Variants in METRN observed in about 807,000 individuals in gnomAD.
METRN encodes the protein meteorin, glial cell differentiation regulator.
A neutral mutation model predicts 17.4 loss-of-function variants in METRN; 17 were observed. The observed-to-expected ratio is 0.98, with a 90% CI of 0.67 to 1.46. The LOEUF is 1.46. METRN is among the 40% of genes most tolerant of loss of function. The probability of loss-of-function intolerance (pLI) is 0.00; values close to 1 mark genes in which losing one functional copy is unlikely to be tolerated. For synonymous variants in METRN, 230 were observed against 210.8 expected (o/e 1.09, Z -0.79); for missense variants, 489 against 456.2 (o/e 1.07, Z -0.65).
Position 717,076 on chromosome 16 carries a change from C to G in METRN, c.571C>G (p.His191Asp), listed in dbSNP as rs143781085. 1 of 1,611,122 alleles carries G rather than the reference C, an allele frequency of 6.2e-7. No individual in the cohort carries two copies. The highest frequency in any genetic ancestry group is 1.3e-5 in the African/African-American group (1 of 75,016). Residue 191 changes from histidine to aspartate, a missense_variant, in exon 4 of 4, where the codon CAC (histidine) becomes GAC (aspartate). Coordinates refer to ENST00000568223, the MANE Select transcript of METRN (RefSeq NM_024042.4). ...AGCCACATGCCTCCCCACAGTAATTCACGGGATCATCCATGGGGTCACCCA... is the reference window on the plus strand; with the variant it reads ...AGCCACATGCCTCCCCACAGTAATTGACGGGATCATCCATGGGGTCACCCA... The part of the protein sequence containing the change: ...LAACTSDFVI[H>D]GIIHGVTHDV...
rs2040177887 is a variant in METRN at position 718,284 on chromosome 16, TC to T, written c.*899del. 2.0e-5 allele frequency: 3 copies of T among 152,242 alleles called. No individual in the cohort carries two copies. The highest frequency in any genetic ancestry group is 2.0e-4 in the Admixed American group (3 of 15,296). The allele number at this position is 152,242 out of a possible 1,614,324, so 9.4% of individuals were successfully genotyped here. A position where few individuals can be genotyped will look rare whatever the true frequency, so the allele number is the denominator to read the frequency against. ...GCTAAAAGCCCCTGGGTGGGGGTGT[TC>T]CAGGACACCTGGCCCTGTGTGAGCT... On this transcript the variant is annotated 3_prime_UTR_variant, in exon 4 of 4. Transcript: ENST00000568223.
Position 717,448 on chromosome 16 carries a change from A to C in METRN, c.*61A>C. 2 of 1,318,596 alleles carry C rather than the reference A, an allele frequency of 1.5e-6. No homozygotes were observed. Among genetic ancestry groups the C allele is most frequent in the Non-Finnish European group, 2.0e-6 (2 of 1,014,488 alleles). The allele number at this position is 1,318,596 out of a possible 1,614,324, so 81.7% of individuals were successfully genotyped here. A position where few individuals can be genotyped will look rare whatever the true frequency, so the allele number is the denominator to read the frequency against. On this transcript the variant is annotated 3_prime_UTR_variant, in exon 4 of 4. Coordinates refer to ENST00000568223, the MANE Select transcript of METRN (RefSeq NM_024042.4). Reference sequence around the variant, plus strand: ...GGGTGGGCCCACTGCTTTGGAGGTGATGGGACTATCAATAAGAACTCTGTT... The same window carrying C: ...GGGTGGGCCCACTGCTTTGGAGGTGCTGGGACTATCAATAAGAACTCTGTT...
chr16:715,239 C>T lies in METRN; in HGVS notation c.-51C>T, dbSNP rs1025558857. On this transcript the variant is annotated 5_prime_UTR_variant, in exon 1 of 4. Coordinates refer to ENST00000568223, the MANE Select transcript of METRN (RefSeq NM_024042.4). ...GCCGCCGCCCGGACCCGCGCCCCGC[C>T]GGGGCAGCGGTGGTGAGAGCCCCGA... The T allele has an allele frequency of 1.6e-5, 16 of 1,019,360 alleles. No individual in the cohort carries two copies. The highest frequency in any genetic ancestry group is 1.0e-4 in the Admixed American group (2 of 19,302). The allele number at this position is 1,019,360 out of a possible 1,614,324, so 63.1% of individuals were successfully genotyped here.
intron 1 of METRN, 47 bp from the exon 2 acceptor site, chr16:715,537 G>T: frequency 4.7e-6 from 6 of 1,289,448 alleles, no homozygotes; most frequent in Non-Finnish European, 5.9e-6. Flanking sequence ...GCTGCGCCGG[G>T]CGGGGACCCG....
intron 1 of METRN, 25 bp from the exon 2 acceptor site, chr16:715,558 AG>A: frequency 7.7e-7 from 1 of 1,297,318 alleles, no homozygotes; most frequent in Non-Finnish European, 9.8e-7. Context: ...CCCCCGTCTC[AG>A]CGCCCCGTCC....
rs746350868 is a variant in METRN at position 717,123 on chromosome 16, T to A, written c.618T>A (p.Ser206=). The A allele has an allele frequency of 1.9e-6, 3 of 1,601,936 alleles. No individual in the cohort carries two copies. The highest frequency in any genetic ancestry group is 2.6e-6 in the Non-Finnish European group (3 of 1,173,318). The stretch of plus-strand genomic sequence containing the variant: ...CCCATGACGTGGAGCTGCAGGAGTC[T>A]GTCATCACTGTGGTGGCCGCCCGTG... ...GVTHDVELQE[S]VITVVAARVL... The change falls in exon 4 of 4, where the codon TCT becomes TCA. Residue 206 remains serine, a synonymous_variant. Coordinates refer to ENST00000568223, the MANE Select transcript of METRN (RefSeq NM_024042.4).
At chr16:716,328 G>A (rs1327393076) in intron 2 of METRN, 8 of 1,398,512 alleles carry the variant, frequency 5.7e-6, no homozygotes, top group Non-Finnish European at 7.4e-6. Context: ...CTGGCCCAGC[G>A]GTGACCTCTC....
At chr16:717,022 G>A in intron 3 of METRN, 30 bp downstream of exon 3, 1 of 1,611,386 alleles carries the variant, frequency 6.2e-7, no homozygotes, top group Non-Finnish European at 8.5e-7. Flanking sequence ...GGGGAGCCTG[G>A]AGCCTGCCTT....
At position 717,889 on chromosome 16, in the gene METRN, C is replaced by T. The variant is rs1470719564; in HGVS notation, c.*502C>T. ...TGGGGGCAGGCGGGCGCACAGCGCT[C>T]CGGCTCTGAGCCAGGCCTGTGAGGG... On this transcript the variant is annotated 3_prime_UTR_variant, in exon 4 of 4. Coordinates refer to ENST00000568223, the MANE Select transcript of METRN (RefSeq NM_024042.4). The T allele has an allele frequency of 6.5e-6, 1 of 153,538 alleles. No individual in the cohort carries two copies. Among genetic ancestry groups the T allele is most frequent in the Non-Finnish European group, 1.4e-5 (1 of 69,024 alleles). The allele number at this position is 153,538 out of a possible 1,614,324, so 9.5% of individuals were successfully genotyped here.
Position 717,635 on chromosome 16 carries a change from T to G in METRN, c.*248T>G. ...TTTGGCAACTGAGAGGGAGAGCAGATGTCAGGAGGAGCTACACCCACATTC... is the reference window on the plus strand; with the variant it reads ...TTTGGCAACTGAGAGGGAGAGCAGAGGTCAGGAGGAGCTACACCCACATTC... On this transcript the variant is annotated 3_prime_UTR_variant, in exon 4 of 4. Coordinates refer to ENST00000568223, the MANE Select transcript of METRN (RefSeq NM_024042.4). The G allele has an allele frequency of 2.5e-6, 1 of 404,050 alleles. No homozygotes were observed. The highest frequency in any genetic ancestry group is 3.8e-5 in the East Asian group (1 of 26,494). 25.0% of individuals were successfully genotyped at this position (404,050 alleles called of 1,614,324 possible).
chr16:715,341 GC>G lies in METRN; in HGVS notation c.56del (p.Pro19ArgfsTer49), dbSNP rs1259016291. The G allele has an allele frequency of 3.0e-6, 4 of 1,341,626 alleles. No individual in the cohort carries two copies. Among genetic ancestry groups the G allele is most frequent in the South Asian group, 1.8e-5 (1 of 56,406 alleles). The allele number at this position is 1,341,626 out of a possible 1,614,324, so 83.1% of individuals were successfully genotyped here. A position where few individuals can be genotyped will look rare whatever the true frequency, so the allele number is the denominator to read the frequency against. On this transcript the variant is annotated frameshift_variant, in exon 1 of 4. Coordinates refer to ENST00000568223, the MANE Select transcript of METRN (RefSeq NM_024042.4). LOFTEE classifies it high-confidence loss of function. ...LLCALCCGLL[A>X]PAARAGYSEE... The stretch of plus-strand genomic sequence containing the variant: ...CTGCGCGCTGTGCTGCGGCCTCCTG[GC>G]CCCGGCTGCCCGCGCCGGCTACTCC...
In METRN at chr16:717,303, T is replaced by C. The variant is rs1406194273; in HGVS notation, c.798T>C (p.Cys266=). Residue 266 remains cysteine (C), a synonymous_variant, in exon 4 of 4, where the codon TGT becomes TGC. Transcript: ENST00000568223. The part of the protein sequence containing the change: ...WSRFGEARLG[C]APRFQEFRRA... ...GCTTTGGGGAGGCCCGGCTGGGCTG[T>C]GCCCCACGATTCCAGGAGTTCCGCC... 6 of 1,523,578 alleles carry C rather than the reference T, an allele frequency of 3.9e-6. No homozygotes were observed. The Admixed American group carries it at 1.2e-4, about 31-fold the overall frequency. The allele number at this position is 1,523,578 out of a possible 1,614,324, so 94.4% of individuals were successfully genotyped here.
In METRN at chr16:716,001, T is replaced by C. The variant is rs1076939; in HGVS notation, c.505+17T>C. 1 of 1,467,494 alleles carries C rather than the reference T, an allele frequency of 6.8e-7. No homozygotes were observed. The highest frequency in any genetic ancestry group is 9.0e-7 in the Non-Finnish European group (1 of 1,116,618). 90.9% of individuals were successfully genotyped at this position (1,467,494 alleles called of 1,614,324 possible). A position where few individuals can be genotyped will look rare whatever the true frequency, so the allele number is the denominator to read the frequency against. ...GCGTAGACGGTGAGTGGCGGTCTGG[T>C]TGGGACAGGGTGGGAGTCCCGAAGT... is the stretch of plus-strand genomic sequence containing the variant. On this transcript the variant is annotated intron_variant, in intron 2 of 3. Transcript: ENST00000568223.
chr16:715,435 G>A (rs544980140), intron 1 of METRN, 42 bp downstream of exon 1: 5 of 1,267,424 alleles, frequency 3.9e-6, no homozygotes, highest in South Asian at 2.4e-5. Flanking sequence ...GACGGGGTGC[G>A]CTGCGGCTAG....
chr16:719,446 G>A lies in METRN; in HGVS notation c.*2059G>A, dbSNP rs1366719513. The stretch of plus-strand genomic sequence containing the variant: ...CGCCAGGCAAGTGCCAGTTCACACA[G>A]GTACAGGTGGCTGCAGAGTGCCCAA... On this transcript the variant is annotated 3_prime_UTR_variant, in exon 4 of 4. Transcript: ENST00000568223. 1 of 152,326 alleles carries A rather than the reference G, an allele frequency of 6.6e-6. No homozygotes were observed. The highest frequency in any genetic ancestry group is 1.5e-5 in the Non-Finnish European group (1 of 68,138). 9.4% of individuals were successfully genotyped at this position (152,326 alleles called of 1,614,324 possible). A position where few individuals can be genotyped will look rare whatever the true frequency, so the allele number is the denominator to read the frequency against.
At chr16:716,318 C>G (rs1339036871) in intron 2 of METRN, 2 of 1,394,024 alleles carry the variant, frequency 1.4e-6, no homozygotes, top group Non-Finnish European at 1.9e-6. Flanking sequence ...CCGGGGCTCC[C>G]TGGCCCAGCG....
In METRN at chr16:717,863, G is replaced by C. The variant is rs1322831305; in HGVS notation, c.*476G>C. 2 of 155,142 alleles carry C rather than the reference G, an allele frequency of 1.3e-5. No individual in the cohort carries two copies. The highest frequency in any genetic ancestry group is 2.9e-5 in the Non-Finnish European group (2 of 70,114). 9.6% of individuals were successfully genotyped at this position (155,142 alleles called of 1,614,324 possible). A position where few individuals can be genotyped will look rare whatever the true frequency, so the allele number is the denominator to read the frequency against. Reference sequence around the variant, plus strand: ...AGGGGCATAGGGTCCCTCGGGTACGGTGGGGGCAGGCGGGCGCACAGCGCT... The same window carrying C: ...AGGGGCATAGGGTCCCTCGGGTACGCTGGGGGCAGGCGGGCGCACAGCGCT... On this transcript the variant is annotated 3_prime_UTR_variant, in exon 4 of 4. Transcript: ENST00000568223.
rs1037736452 is a variant in METRN, at chr16:715,593, C to A, written c.114C>A (p.Thr38=). 5.8e-6 allele frequency: 8 copies of A among 1,378,830 alleles called. No individual in the cohort carries two copies. In the African/African-American group the frequency reaches 9.1e-5, roughly 16 times the overall value. 85.4% of individuals were successfully genotyped at this position (1,378,830 alleles called of 1,614,324 possible). A position where few individuals can be genotyped will look rare whatever the true frequency, so the allele number is the denominator to read the frequency against. Residue 38 remains threonine (T), a synonymous_variant, in exon 2 of 4, where the codon ACC becomes ACA. Transcript: ENST00000568223. ...ERCSWRGSGL[T]QEPGSVGQLA... ...CCCGTCCTGTCCCCAGCGGCCTCACCCAGGAGCCCGGCAGCGTGGGGCAGC... is the reference window on the plus strand; with the variant it reads ...CCCGTCCTGTCCCCAGCGGCCTCACACAGGAGCCCGGCAGCGTGGGGCAGC...
In METRN at chr16:715,516, A is replaced by C. The variant is rs1224206369; in HGVS notation, c.105-68A>C. On this transcript the variant is annotated intron_variant, in intron 1 of 3. Coordinates refer to ENST00000568223, the MANE Select transcript of METRN (RefSeq NM_024042.4). ...TCCCCATCCGCGAGGCGGCCTCGGG[A>C]GGGAGCGGGGGCTGCGCCGGGCGGG... The C allele has an allele frequency of 2.4e-6, 3 of 1,275,728 alleles. No homozygotes were observed. In the African/African-American group the frequency reaches 4.7e-5, roughly 20 times the overall value. 79.0% of individuals were successfully genotyped at this position (1,275,728 alleles called of 1,614,324 possible).
Sources: allele counts gnomAD v4.1 joint callset, GRCh38; gene constraint gnomAD v4.1.1; transcripts MANE v1.5; gene names NCBI Gene and HGNC (gene_info 2026-07-23, HGNC 2026-07-21).